The following OLFM3 variants were observed in gnomAD, a reference collection of about 807,000 sequenced individuals.
OLFM3 encodes olfactomedin 3.
OLFM3 carries 20 observed loss-of-function variants against 48.6 expected under a neutral mutation model. The observed-to-expected ratio is 0.41, with a 90% confidence interval of 0.29 to 0.60. The LOEUF is 0.60. Among genes scored for constraint, OLFM3 ranks in the 20% least tolerant of loss-of-function variants. The pLI is 0.28. For synonymous variants in OLFM3, 222 were observed against 198.1 expected, an observed-to-expected ratio of 1.12 and a Z score of -1.01; for missense variants, 437 against 544.3, an observed-to-expected ratio of 0.80 and a Z score of 1.96.
chr1:101,813,344 A>C (rs1255140167), intron 4 of OLFM3, among the ~76,000 whole-genome samples: 1 of 152,176 alleles, frequency 6.6e-6, no homozygotes, highest in Admixed American at 6.5e-5. Flanking sequence ...ATGTTTAGCC[A>C]TATTTGCCTC....
At chr1:101,821,105 C>A (rs573374515) in intron 4 of OLFM3, among the ~76,000 whole-genome samples, 1 of 152,110 alleles carries the variant, frequency 6.6e-6, no homozygotes, top group East Asian at 1.9e-4. Flanking sequence ...ATGTTAACAT[C>A]AGTTTTCTTC....
intron 1 of OLFM3, among the ~76,000 whole-genome samples, chr1:101,956,661 T>C (rs1436236751): frequency 6.6e-6 from 1 of 151,882 alleles, no homozygotes; most frequent in Non-Finnish European, 1.5e-5. Context: ...GCTTATTCAT[T>C]TTATCTAGAC....
chr1:101,828,825 T>G (rs1196386795), intron 3 of OLFM3, among the ~76,000 whole-genome samples: 1 of 152,184 alleles, frequency 6.6e-6, no homozygotes, highest in Non-Finnish European at 1.5e-5. Flanking sequence ...CTTACTATTT[T>G]CTACTTTGCC....
intron 1 of OLFM3, among the ~76,000 whole-genome samples, chr1:101,922,305 A>C (rs776327619): frequency 2.0e-5 from 3 of 152,228 alleles, no homozygotes; most frequent in African/African-American, 4.8e-5. Context: ...GTAAGTGCTT[A>C]ATAAATATTG....
intron 1 of OLFM3, among the ~76,000 whole-genome samples, chr1:101,954,225 A>G (rs1485366433): frequency 6.6e-6 from 1 of 152,146 alleles, no homozygotes; most frequent in Non-Finnish European, 1.5e-5. Context: ...ACAGAATTAT[A>G]ACCCAAAAGC....
At chr1:101,927,786 AT>A (rs1403828960) in intron 1 of OLFM3, among the ~76,000 whole-genome samples, 1 of 149,490 alleles carries the variant, frequency 6.7e-6, no homozygotes, top group Non-Finnish European at 1.5e-5. Context: ...TATTATAAAT[AT>A]TTTTTCTATA....
chr1:101,844,810 T>G (rs1379144473), intron 1 of OLFM3, among the ~76,000 whole-genome samples: 1 of 152,000 alleles, frequency 6.6e-6, no homozygotes, highest in Non-Finnish European at 1.5e-5. Flanking sequence ...ATATAAGATT[T>G]AATTTGCAAA....
chr1:101,921,310 A>G (rs1233362687), intron 1 of OLFM3, among the ~76,000 whole-genome samples: 1 of 152,156 alleles, frequency 6.6e-6, no homozygotes, highest in African/African-American at 2.4e-5. Flanking sequence ...TTCTTACAGC[A>G]GAACAAGAGT....
chr1:101,841,900 G>A (rs1276325738), intron 1 of OLFM3, among the ~76,000 whole-genome samples: 3 of 152,182 alleles, frequency 2.0e-5, no homozygotes, highest in Non-Finnish European at 4.4e-5. Flanking sequence ...GGAGATACCT[G>A]AGTGATGAAA....
intron 1 of OLFM3, among the ~76,000 whole-genome samples, chr1:101,883,923 A>T (rs1220686361): frequency 1.3e-5 from 2 of 151,874 alleles, no homozygotes; most frequent in Non-Finnish European, 1.5e-5. Context: ...AATGGAAATA[A>T]AAAACTTACT....
At chr1:101,941,315 C>A (rs572998390) in intron 1 of OLFM3, among the ~76,000 whole-genome samples, 5 of 152,094 alleles carry the variant, frequency 3.3e-5, no homozygotes, top group African/African-American at 7.2e-5. Context: ...TAATGGCAGT[C>A]GTGGCTCAGG....
intron 1 of OLFM3, among the ~76,000 whole-genome samples, chr1:101,846,219 G>T (rs1655985346): frequency 6.6e-6 from 1 of 152,190 alleles, no homozygotes; most frequent in Non-Finnish European, 1.5e-5. Context: ...AGACAGTCTT[G>T]TGATAGGAAG....
intron 4 of OLFM3, among the ~76,000 whole-genome samples, chr1:101,817,229 G>A (rs1212794583): frequency 6.6e-6 from 1 of 152,072 alleles, no homozygotes; most frequent in Non-Finnish European, 1.5e-5. Flanking sequence ...TTTCCCAAAT[G>A]CCTGGAAGAC....
At chr1:101,913,840 T>G (rs1658840225) in intron 1 of OLFM3, among the ~76,000 whole-genome samples, 1 of 152,062 alleles carries the variant, frequency 6.6e-6, no homozygotes. Flanking sequence ...TTTAAATGCT[T>G]CAGAAGAAGA....
chr1:101,964,187 G>C (rs939412213), intron 1 of OLFM3, among the ~76,000 whole-genome samples: 1 of 152,110 alleles, frequency 6.6e-6, no homozygotes, highest in African/African-American at 2.4e-5. Flanking sequence ...ATATGTATGT[G>C]GAAGAAAGTT....
At chr1:101,814,955 A>G (rs1303254154) in intron 4 of OLFM3, among the ~76,000 whole-genome samples, 2 of 152,206 alleles carry the variant, frequency 1.3e-5, no homozygotes, top group Non-Finnish European at 2.9e-5. Context: ...TATTTAGAAT[A>G]CACTTGGAAC....
intron 4 of OLFM3, among the ~76,000 whole-genome samples, chr1:101,822,981 A>T (rs1654680348): frequency 6.6e-6 from 1 of 152,032 alleles, no homozygotes; most frequent in Non-Finnish European, 1.5e-5. Flanking sequence ...GGCTAAAAAG[A>T]TGCATTTCTT....
intron 1 of OLFM3, among the ~76,000 whole-genome samples, chr1:101,905,983 AG>A (rs1202186216): frequency 2.0e-5 from 3 of 152,110 alleles, no homozygotes; most frequent in Non-Finnish European, 4.4e-5. Context: ...AGTGAAGATG[AG>A]GGAAAACTCA....
In OLFM3 at chr1:101,937,002, A is replaced by G. The variant is rs766627354; in HGVS notation, c.69+59746T>C. 5.4e-4 allele frequency among the ~76,000 whole-genome samples: 82 copies of G among 152,200 alleles called. 1 individual carries two copies. Among genetic ancestry groups the G allele is most frequent in the Non-Finnish European group, 9.1e-4 (62 of 68,030 alleles). On this transcript the variant is annotated intron_variant, in intron 1 of 5. Transcript: ENST00000370103. Reference sequence around the variant, plus strand: ...AGACATAAATGTAAAACTTAAAAGTATAAAAATTCTGGAAGTTAACCTGGG... The same window carrying G: ...AGACATAAATGTAAAACTTAAAAGTGTAAAAATTCTGGAAGTTAACCTGGG...
Sources: allele counts gnomAD v4.1 joint callset (sites outside exome capture counted in the v4.1 genomes callset), GRCh38; gene constraint gnomAD v4.1.1; transcripts MANE v1.5; gene names NCBI Gene and HGNC (gene_info 2026-07-23, HGNC 2026-07-21).